CDC42BPB: variants seen among roughly 807,000 people sequenced by gnomAD.
CDC42BPB encodes serine/threonine-protein kinase MRCK beta.
Under a neutral mutation model 214.9 loss-of-function variants are expected in CDC42BPB, and 37 were observed. The ratio of observed to expected loss-of-function variants is 0.17; its 90% CI spans 0.13 to 0.23. CDC42BPB has a LOEUF of 0.23. Ranked by LOEUF, CDC42BPB falls within the 10% of genes least tolerant of loss-of-function variation. The probability of loss-of-function intolerance (pLI) is 1.00; values close to 1 mark genes in which losing one functional copy is unlikely to be tolerated. For missense variants in CDC42BPB, 1,694 were observed against 2,227.0 expected (o/e 0.76, Z 4.82); for synonymous variants, 931 against 884.0 (o/e 1.05, Z -0.94).
chr14:103,045,127 A>G (rs1888221365), intron 1 of CDC42BPB, among the ~76,000 whole-genome samples: 1 of 152,160 alleles, frequency 6.6e-6, no homozygotes, highest in African/African-American at 2.4e-5. Context: ...GAATTATTTT[A>G]ATTCAATGAT....
chr14:102,990,022 C>T (rs1173094201), intron 5 of CDC42BPB, among the ~76,000 whole-genome samples: 2 of 152,248 alleles, frequency 1.3e-5, no homozygotes, highest in East Asian at 3.9e-4. Context: ...AGACTGGCTA[C>T]GGATCCTGGG....
chr14:103,043,517 G>A, intron 1 of CDC42BPB, among the ~76,000 whole-genome samples: 1 of 152,100 alleles, frequency 6.6e-6, no homozygotes. Context: ...GGCTGGGGTG[G>A]GGGTAGAGTT....
At chr14:103,027,579 C>T (rs987195488) in intron 1 of CDC42BPB, among the ~76,000 whole-genome samples, 2 of 152,104 alleles carry the variant, frequency 1.3e-5, no homozygotes, top group Non-Finnish European at 2.9e-5. Context: ...ATGGATGAAC[C>T]TTGAAAAGAT....
intron 1 of CDC42BPB, among the ~76,000 whole-genome samples, chr14:103,036,661 G>T (rs1226396114): frequency 6.6e-6 from 1 of 152,076 alleles, no homozygotes; most frequent in African/African-American, 2.4e-5. Flanking sequence ...AGAATAAAAT[G>T]CCACAGCTAA....
chr14:102,966,897 G>C, intron 17 of CDC42BPB, 149 bp downstream of exon 17: 1 of 873,338 alleles, frequency 1.1e-6, no homozygotes, highest in Non-Finnish European at 1.7e-6. Context: ...CCAGACATGA[G>C]AAGTTCTGGG....
chr14:102,958,052 T>TG (rs1892789622), intron 21 of CDC42BPB, among the ~76,000 whole-genome samples: 1 of 152,110 alleles, frequency 6.6e-6, no homozygotes, highest in African/African-American at 2.4e-5. Context: ...AGGGAACAGA[T>TG]GGGGAACTGT....
At chr14:102,964,710 G>T in intron 18 of CDC42BPB, 60 bp from the exon 19 acceptor site, 1 of 1,515,596 alleles carries the variant, frequency 6.6e-7, no homozygotes. Context: ...TTAAACTAAT[G>T]TTAACAAATA....
At chr14:103,044,519 G>C (rs1474393930) in intron 1 of CDC42BPB, among the ~76,000 whole-genome samples, 1 of 151,908 alleles carries the variant, frequency 6.6e-6, no homozygotes, top group South Asian at 2.1e-4. Context: ...ACAGGCGCCC[G>C]CCACCATGCC....
At chr14:102,936,402 ATAT>A (rs1401539055) in intron 36 of CDC42BPB, among the ~76,000 whole-genome samples, 1 of 152,204 alleles carries the variant, frequency 6.6e-6, no homozygotes, top group African/African-American at 2.4e-5. Flanking sequence ...ATACAAGAGA[ATAT>A]TATTTAGCAA....
At chr14:103,048,828 C>A (rs1237894025) in intron 1 of CDC42BPB, among the ~76,000 whole-genome samples, 1 of 151,514 alleles carries the variant, frequency 6.6e-6, no homozygotes, top group African/African-American at 2.4e-5. Flanking sequence ...GAGCCAAGAT[C>A]ATGCCACTGC....
chr14:102,935,948 T>C (rs1891630906), intron 36 of CDC42BPB, among the ~76,000 whole-genome samples: 1 of 152,044 alleles, frequency 6.6e-6, no homozygotes, highest in Non-Finnish European at 1.5e-5. Context: ...GTAAAGGCCT[T>C]GAGTAGACAT....
chr14:103,000,323 G>A (rs913803305), intron 4 of CDC42BPB, among the ~76,000 whole-genome samples: 3 of 152,254 alleles, frequency 2.0e-5, no homozygotes, highest in Non-Finnish European at 2.9e-5. Flanking sequence ...TCGCCACCGG[G>A]CCAGCCGTGT....
intron 4 of CDC42BPB, among the ~76,000 whole-genome samples, chr14:103,002,101 T>C (rs370502792): frequency 6.6e-6 from 1 of 152,140 alleles, no homozygotes; most frequent in Admixed American, 6.5e-5. Context: ...CAGAACCCGC[T>C]CTGTGGGTGG....
At chr14:103,011,599 G>C (rs1336457801) in intron 2 of CDC42BPB, among the ~76,000 whole-genome samples, 3 of 151,794 alleles carry the variant, frequency 2.0e-5, no homozygotes, top group Non-Finnish European at 4.4e-5. Flanking sequence ...ACAAAAATTA[G>C]CTAGGCACAG....
At chr14:102,966,734 C>T (rs922106148) in intron 17 of CDC42BPB, among the ~76,000 whole-genome samples, 3 of 152,234 alleles carry the variant, frequency 2.0e-5, no homozygotes, top group Non-Finnish European at 2.9e-5. Context: ...GGTCCCAGCT[C>T]GCTCCAAGTC....
intron 28 of CDC42BPB, 25 bp from the exon 29 acceptor site, chr14:102,945,749 CAA>C: frequency 1.2e-6 from 2 of 1,609,712 alleles, no homozygotes; most frequent in Non-Finnish European, 1.7e-6. Context: ...GTAACATACA[CAA>C]AGTCAGTACA....
chr14:103,022,121 G>A (rs114408131), intron 1 of CDC42BPB, among the ~76,000 whole-genome samples: 1 of 152,238 alleles, frequency 6.6e-6, no homozygotes, highest in African/African-American at 2.4e-5. Context: ...ACAGAACCCT[G>A]GGGGGCTTCG....
intron 11 of CDC42BPB, among the ~76,000 whole-genome samples, chr14:102,975,445 C>T (rs1379558732): frequency 6.6e-6 from 1 of 152,172 alleles, no homozygotes; most frequent in East Asian, 1.9e-4. Context: ...ATCGCTTGAA[C>T]CCAGGAGGTG....
chr14:102,940,264 C>A lies in CDC42BPB; in HGVS notation c.4469G>T (p.Arg1490Leu). Residue 1490 changes from arginine (R) to leucine (L), a missense_variant, in exon 31 of 37, where the codon CGC becomes CTC. By Grantham distance (102) the Arg-to-Leu change is moderately radical (BLOSUM62 -2). Around this residue, in one of 7 missense-constraint regions of CDC42BPB, gnomAD observed 567 missense variants for 790.3 expected, o/e 0.72. Transcript: ENST00000361246. ...GATGGTCTGCACCCACTCCATGGTG[C>A]GCACATCAAAGACGTCCACGCCATA... Reference protein sequence around the residue: ...SEYGVDVFDVRTMEWVQTIGL... With the variant: ...SEYGVDVFDVLTMEWVQTIGL... 2 of 1,597,734 alleles carry A rather than the reference C, an allele frequency of 1.3e-6. No homozygotes were observed. The highest frequency in any genetic ancestry group is 2.2e-5 in the South Asian group (2 of 89,016).
Sources: gnomAD v4.1 joint callset for allele counts (sites outside exome capture counted in the v4.1 genomes callset) on GRCh38, gnomAD v4.1.1 for gene constraint, gnomAD v4.1.1 regional missense constraint, MANE v1.5 for transcripts, NCBI Gene and HGNC (gene_info 2026-07-23, HGNC 2026-07-21) for gene names.